Variants in RAB3GAP1 observed in about 807,000 individuals in gnomAD.
RAB3GAP1 encodes the protein rab3 GTPase-activating protein catalytic subunit.
In RAB3GAP1, 86 loss-of-function variants were observed where a neutral mutation model predicts 130.7. The observed-to-expected ratio is 0.66, with a 90% CI of 0.55 to 0.79. The LOEUF is 0.79. Ranked by LOEUF, RAB3GAP1 falls within the 30% of genes least tolerant of loss-of-function variation. The pLI is 0.00. For synonymous variants in RAB3GAP1, 367 were observed against 401.7 expected (o/e 0.91, Z 1.03); for missense variants, 1,029 against 1,169.4 (o/e 0.88, Z 1.75).
chr2:135,145,035 G>A (rs899111481), intron 17 of RAB3GAP1, among the ~76,000 whole-genome samples: 2 of 152,216 alleles, frequency 1.3e-5, no homozygotes, highest in East Asian at 1.9e-4. Flanking sequence ...TACTAACAGA[G>A]TTTTGCTTAA....
intron 7 of RAB3GAP1, among the ~76,000 whole-genome samples, chr2:135,117,279 A>G (rs1220433942): frequency 6.6e-6 from 1 of 152,220 alleles, no homozygotes; most frequent in Non-Finnish European, 1.5e-5. Context: ...TAGTTTGGGA[A>G]ATTTTTGAAA....
At chr2:135,073,648 C>T (rs1472926470) in intron 3 of RAB3GAP1, among the ~76,000 whole-genome samples, 1 of 152,220 alleles carries the variant, frequency 6.6e-6, no homozygotes, top group Non-Finnish European at 1.5e-5. Context: ...AGCACTTGAG[C>T]CTGACTTGTG....
At chr2:135,162,188 T>G (rs1692482151) in intron 19 of RAB3GAP1, among the ~76,000 whole-genome samples, 1 of 152,218 alleles carries the variant, frequency 6.6e-6, no homozygotes, top group Non-Finnish European at 1.5e-5. Context: ...AGGCAGTATT[T>G]TACATATTTA....
At position 135,164,691 on chromosome 2, in the gene RAB3GAP1, C is replaced by T; in HGVS notation, c.2704C>T (p.Gln902Ter). ...CATTCACAAGCTGTTTGTGAATGCC[C>T]AGAGGGTATGTGAGAGTCATTATTG... ...RIIHKLFVNAQRAAAMTPPEE... is the reference protein window; with the variant it reads ...RIIHKLFVNA The change falls in exon 23 of 24, where the codon CAG becomes TAG. Residue 902 changes from glutamine (Q) to a stop codon, truncating the protein, a stop_gained. Transcript: ENST00000264158. LOFTEE classifies it high-confidence loss of function. 3 of 1,601,898 alleles carry T rather than the reference C, an allele frequency of 1.9e-6. No individual in the cohort carries two copies. The highest frequency in any genetic ancestry group is 1.7e-6 in the Non-Finnish European group (2 of 1,169,668).
In RAB3GAP1 at chr2:135,117,793, C is replaced by CTTCTTCTTCTTCTTCTTTCTTCTTCT. The variant is rs1558784869; in HGVS notation, c.648+2427_648+2452dup. Reference sequence around the variant, plus strand: ...GCTTCTTCTGCTTCTTCTGCTTCTTCTTCTTCTTCTTCTTCTTTCTTCTTC... The same window carrying CTTCTTCTTCTTCTTCTTTCTTCTTCT: ...GCTTCTTCTGCTTCTTCTGCTTCTTCTTCTTCTTCTTCTTCTTTCTTCTTCTTTCTTCTTCTTCTTCTTTCTTCTTC... On this transcript the variant is annotated intron_variant, in intron 7 of 23. Transcript: ENST00000264158. 7.8e-3 allele frequency among the ~76,000 whole-genome samples: 1,167 copies of CTTCTTCTTCTTCTTCTTTCTTCTTCT among 149,656 alleles called. 18 individuals carry two copies. Among genetic ancestry groups the CTTCTTCTTCTTCTTCTTTCTTCTTCT allele is most frequent in the African/African-American group, 0.028 (1,104 of 39,898 alleles).
rs1691029470 is a variant in RAB3GAP1, at chr2:135,117,549, T to TCTTCTTCTG, written c.648+2177_648+2185dup. Among the ~76,000 whole-genome samples, 8 of 83,600 alleles carry TCTTCTTCTG rather than the reference T, an allele frequency of 9.6e-5. 1 individual carries two copies. Among genetic ancestry groups the TCTTCTTCTG allele is most frequent in the Admixed American group, 4.2e-4 (3 of 7,160 alleles). The allele number at this position is 83,600 out of a possible 152,430, so 54.8% of individuals were successfully genotyped here. A position where few individuals can be genotyped will look rare whatever the true frequency, so the allele number is the denominator to read the frequency against. ...TTCTTCTGCTTCTTCTTCTGCTTCT[T>TCTTCTTCTG]CTTCTTCTGCTTCTTCTTCTGCTTC... On this transcript the variant is annotated intron_variant, in intron 7 of 23. Transcript: ENST00000264158.
At chr2:135,172,166 G>A (rs926519505), downstream of RAB3GAP1, among the ~76,000 whole-genome samples, 9 of 151,924 alleles carry the variant, frequency 5.9e-5, no homozygotes, top group East Asian at 1.9e-4. Flanking sequence ...GCAGTGGCTC[G>A]TGCCTGTAAT....
intron 7 of RAB3GAP1, among the ~76,000 whole-genome samples, chr2:135,117,456 G>GCTTCTTCTT (rs1691010625): frequency 1.7e-4 from 7 of 41,832 alleles, no homozygotes; most frequent in East Asian, 8.9e-4. Flanking sequence ...TTCTTCTTCT[G>GCTTCTTCTT]CTTCTGCTTC....
chr2:135,095,858 A>G (rs1690278464), intron 5 of RAB3GAP1, among the ~76,000 whole-genome samples: 1 of 152,214 alleles, frequency 6.6e-6, no homozygotes, highest in African/African-American at 2.4e-5. Context: ...CGGATTGACA[A>G]ATCACAAGAA....
chr2:135,087,943 T>C (rs1454843553), intron 3 of RAB3GAP1, among the ~76,000 whole-genome samples: 3 of 152,220 alleles, frequency 2.0e-5, no homozygotes, highest in Non-Finnish European at 4.4e-5. Flanking sequence ...GCATAGCAGA[T>C]ACATGCCTTA....
intron 15 of RAB3GAP1, among the ~76,000 whole-genome samples, chr2:135,134,999 A>G (rs937637902): frequency 2.0e-5 from 3 of 152,096 alleles, no homozygotes; most frequent in Non-Finnish European, 4.4e-5. Flanking sequence ...AGTTTTTGTT[A>G]GCCTGAAAAC....
In RAB3GAP1 at chr2:135,119,093, TC is replaced by T. The variant is rs1558785509; in HGVS notation, c.649-1723del. ...CTTCCTCCCTCCCTCCCTCCCTCCC[TC>T]CCTTCCTTCCTTCCTTCTGTCCTTA... On this transcript the variant is annotated intron_variant, in intron 7 of 23. Transcript: ENST00000264158. 9.6e-3 allele frequency among the ~76,000 whole-genome samples: 912 copies of T among 95,116 alleles called. 12 individuals carry two copies. The highest frequency in any genetic ancestry group is 0.034 in the African/African-American group (854 of 24,892). 62.4% of individuals were successfully genotyped at this position (95,116 alleles called of 152,430 possible). A position where few individuals can be genotyped will look rare whatever the true frequency, so the allele number is the denominator to read the frequency against.
chr2:135,098,318 A>G (rs1690357631), intron 5 of RAB3GAP1, among the ~76,000 whole-genome samples: 1 of 152,208 alleles, frequency 6.6e-6, no homozygotes, highest in South Asian at 2.1e-4. Flanking sequence ...TAGAAAAGAC[A>G]GCACTAAGAG....
At chr2:135,164,793 G>A (rs2105001666) in intron 23 of RAB3GAP1, 97 bp downstream of exon 23, 1 of 900,368 alleles carries the variant, frequency 1.1e-6, no homozygotes, top group East Asian at 2.7e-5. Context: ...TCACACTCAT[G>A]TCACCTGAGT....
At chr2:135,081,361 TACACAC>T (rs1553440427) in intron 3 of RAB3GAP1, among the ~76,000 whole-genome samples, 6 of 71,258 alleles carry the variant, frequency 8.4e-5, no homozygotes, top group African/African-American at 3.9e-4. Flanking sequence ...TATATATATA[TACACAC>T]ACGTGTGTGT....
intron 3 of RAB3GAP1, among the ~76,000 whole-genome samples, chr2:135,081,343 TATATATATATATATATATAC>T (rs1558766487): frequency 1.0e-4 from 9 of 89,056 alleles, no homozygotes; most frequent in African/African-American, 5.9e-4. Flanking sequence ...TATATATATA[TATATATATATATATATATAC>T]ACACACGTGT....
chr2:135,081,392 G>GTATATATGTGTGTGTA (rs1337230811), intron 3 of RAB3GAP1, among the ~76,000 whole-genome samples: 3 of 100,700 alleles, frequency 3.0e-5, no homozygotes, highest in Admixed American at 1.1e-4. Flanking sequence ...ATATATATAT[G>GTATATATGTGTGTGTA]TATATATGTG....
intron 3 of RAB3GAP1, among the ~76,000 whole-genome samples, chr2:135,081,361 T>TATATATATATATATATAC (rs1216831944): frequency 1.3e-4 from 9 of 71,238 alleles, no homozygotes; most frequent in Non-Finnish European, 2.0e-4. Flanking sequence ...TATATATATA[T>TATATATATATATATATAC]ACACACACGT....
At chr2:135,089,239 C>T (rs1690071007) in intron 3 of RAB3GAP1, among the ~76,000 whole-genome samples, 1 of 151,840 alleles carries the variant, frequency 6.6e-6, no homozygotes, top group African/African-American at 2.4e-5. Context: ...TGTTCTGTTC[C>T]CTTGGTCTAT....
Sources: gnomAD v4.1 joint callset for allele counts (sites outside exome capture counted in the v4.1 genomes callset) on GRCh38, gnomAD v4.1.1 for gene constraint, MANE v1.5 for transcripts, NCBI Gene and HGNC (gene_info 2026-07-23, HGNC 2026-07-21) for gene names.